Variants in PPFIBP1 observed in about 807,000 individuals in gnomAD.
The protein encoded by PPFIBP1 is liprin-beta-1.
In PPFIBP1, 112 loss-of-function variants were observed where a neutral mutation model predicts 137.8. That is an observed-to-expected ratio of 0.81 (90% CI 0.70 to 0.95). The LOEUF (loss-of-function observed/expected upper bound fraction) is 0.95. Among genes scored for constraint, PPFIBP1 ranks in the 40% least tolerant of loss-of-function variants. PPFIBP1 has a pLI of 0.00. For missense variants in PPFIBP1, 1,083 were observed against 1,196.6 expected, an observed-to-expected ratio of 0.91 and a Z score of 1.40; for synonymous variants, 378 against 417.3, an observed-to-expected ratio of 0.91 and a Z score of 1.15.
chr12:27,631,638 A>G (rs1183601092), intron 2 of PPFIBP1, among the ~76,000 whole-genome samples: 1 of 152,210 alleles, frequency 6.6e-6, no homozygotes, highest in African/African-American at 2.4e-5. Flanking sequence ...CTAGTTCTTC[A>G]CTACTTTGAA....
intron 3 of PPFIBP1, 49 bp downstream of exon 3, chr12:27,633,509 C>G (rs2057406706): frequency 6.6e-7 from 1 of 1,515,694 alleles, no homozygotes; most frequent in Admixed American, 1.9e-5. Flanking sequence ...ACTCTCCTCA[C>G]TTGGCTTTTT....
At chr12:27,643,271 A>T (rs1468012255) in intron 4 of PPFIBP1, among the ~76,000 whole-genome samples, 1 of 140,096 alleles carries the variant, frequency 7.1e-6, no homozygotes, top group East Asian at 2.1e-4. Flanking sequence ...ACTAGTGTTT[A>T]TTGAACACCT....
At chr12:27,596,560 T>G (rs1005435693) in intron 2 of PPFIBP1, among the ~76,000 whole-genome samples, 14 of 152,160 alleles carry the variant, frequency 9.2e-5, no homozygotes, top group African/African-American at 3.1e-4. Context: ...CTCACTCTGT[T>G]GCCCAGGCTG....
At chr12:27,593,622 G>A (rs1375690022) in intron 2 of PPFIBP1, 2 of 459,948 alleles carry the variant, frequency 4.3e-6, no homozygotes, top group Non-Finnish European at 8.2e-6. Context: ...TTCTAGAAAT[G>A]TCTGAAACTC....
chr12:27,524,715 G>A (rs1217840955), intron 1 of PPFIBP1, among the ~76,000 whole-genome samples: 2 of 151,892 alleles, frequency 1.3e-5, no homozygotes, highest in Non-Finnish European at 2.9e-5. Flanking sequence ...ATTTAAAAAT[G>A]CCACAAAAAA....
chr12:27,610,116 T>A (rs1271187322), intron 2 of PPFIBP1, among the ~76,000 whole-genome samples: 1 of 152,174 alleles, frequency 6.6e-6, no homozygotes, highest in Non-Finnish European at 1.5e-5. Flanking sequence ...ACAGCCAGAA[T>A]GGTGACTTTC....
intron 26 of PPFIBP1, among the ~76,000 whole-genome samples, chr12:27,688,756 C>A (rs2061342966): frequency 6.6e-6 from 1 of 152,100 alleles, no homozygotes; most frequent in Non-Finnish European, 1.5e-5. Flanking sequence ...ACAGACAGCA[C>A]CCTAGAGAGG....
chr12:27,638,445 TAA>T (rs1464416120), intron 4 of PPFIBP1, among the ~76,000 whole-genome samples: 4 of 152,208 alleles, frequency 2.6e-5, no homozygotes. Flanking sequence ...ATGTTGGCCC[TAA>T]GTCTTTGAAG....
At chr12:27,627,805 TGTTGGTTACC>T (rs1336140189) in intron 2 of PPFIBP1, among the ~76,000 whole-genome samples, 11 of 149,994 alleles carry the variant, frequency 7.3e-5, no homozygotes, top group Non-Finnish European at 1.3e-4. Flanking sequence ...AACATATTTC[TGTTGGTTACC>T]CACCCCCCGC....
intron 2 of PPFIBP1, among the ~76,000 whole-genome samples, chr12:27,612,326 G>A (rs1197199655): frequency 1.1e-5 from 1 of 89,680 alleles, no homozygotes; most frequent in Non-Finnish European, 2.7e-5. Flanking sequence ...TACTTTATTG[G>A]TGTTTTTTTT....
intron 22 of PPFIBP1, 52 bp downstream of exon 22, chr12:27,681,748 A>AT: frequency 6.3e-6 from 10 of 1,597,884 alleles, no homozygotes; most frequent in Non-Finnish European, 8.6e-6. Context: ...AGAAAACAGT[A>AT]TGAATGTAGG....
intron 2 of PPFIBP1, among the ~76,000 whole-genome samples, chr12:27,627,692 C>A (rs749044778): frequency 1.1e-4 from 17 of 152,136 alleles, no homozygotes; most frequent in Non-Finnish European, 2.1e-4. Context: ...TGGTGTCCTG[C>A]CAATGCTTTA....
chr12:27,641,705 G>C (rs56378022), intron 4 of PPFIBP1, among the ~76,000 whole-genome samples: 5,337 of 152,192 alleles, frequency 0.035, 138 homozygotes, highest in South Asian at 0.1. Context: ...CTCTAAATAC[G>C]GGGCTTGTAA....
intron 27 of PPFIBP1, among the ~76,000 whole-genome samples, chr12:27,690,708 G>A (rs2061483285): frequency 6.6e-6 from 1 of 152,244 alleles, no homozygotes; most frequent in African/African-American, 2.4e-5. Context: ...ATTGATTGCA[G>A]TTGTTCTGTT....
At chr12:27,613,894 G>A (rs539357006) in intron 2 of PPFIBP1, among the ~76,000 whole-genome samples, 17 of 151,994 alleles carry the variant, frequency 1.1e-4, no homozygotes, top group East Asian at 7.7e-4. Context: ...CATTTCCATC[G>A]TTTGGGAAGA....
In PPFIBP1 at chr12:27,637,695, G is replaced by A. The variant is rs115971127; in HGVS notation, c.270+2580G>A. Among the ~76,000 whole-genome samples the A allele has an allele frequency of 5.8e-4, 89 of 152,234 alleles. 1 individual carries two copies. Among genetic ancestry groups the A allele is most frequent in the African/African-American group, 2.0e-3 (84 of 41,546 alleles). On this transcript the variant is annotated intron_variant, in intron 4 of 29. Coordinates refer to ENST00000228425, the MANE Select transcript of PPFIBP1 (RefSeq NM_003622.4). ...CAAAAAACAAAGCAAGAAGAAGAGA[G>A]GAGGGCTGGCTGTTTGGAACCACAA...
At chr12:27,614,548 C>T (rs565598744) in intron 2 of PPFIBP1, among the ~76,000 whole-genome samples, 23 of 152,258 alleles carry the variant, frequency 1.5e-4, no homozygotes, top group Admixed American at 8.5e-4. Flanking sequence ...TTCTGCTTAG[C>T]TTTTAGAACA....
chr12:27,579,829 A>G (rs2050913905), intron 2 of PPFIBP1, among the ~76,000 whole-genome samples: 1 of 152,152 alleles, frequency 6.6e-6, no homozygotes, highest in Non-Finnish European at 1.5e-5. Context: ...CTTCAATGTG[A>G]TGTTCCAAGC....
intron 2 of PPFIBP1, among the ~76,000 whole-genome samples, chr12:27,600,678 A>G (rs1217042322): frequency 6.6e-6 from 1 of 152,128 alleles, no homozygotes; most frequent in East Asian, 1.9e-4. Context: ...GCATGTTTAA[A>G]TGCTCTTTTA....
Sources: gnomAD v4.1 joint callset for allele counts (sites outside exome capture counted in the v4.1 genomes callset) on GRCh38, gnomAD v4.1.1 for gene constraint, MANE v1.5 for transcripts, NCBI Gene and HGNC (gene_info 2026-07-23, HGNC 2026-07-21) for gene names.